Variants in CEP295 observed in about 807,000 individuals in gnomAD.
CEP295 encodes the protein centrosomal protein of 295 kDa.
Under a neutral mutation model 291.6 loss-of-function variants are expected in CEP295, and 190 were observed. The ratio of observed to expected loss-of-function variants is 0.65; its 90% confidence interval spans 0.58 to 0.73. CEP295 has a LOEUF of 0.73. Among genes scored for constraint, CEP295 ranks in the 30% least tolerant of loss-of-function variants. The pLI, the probability that CEP295 is intolerant of heterozygous loss-of-function variation, is 0.00. For missense variants in CEP295, 2,863 were observed against 2,949.4 expected, an observed-to-expected ratio of 0.97 and a Z score of 0.68; for synonymous variants, 993 against 1,038.8, an observed-to-expected ratio of 0.96 and a Z score of 0.85.
At chr11:93,694,455 T>G (rs779534194) in intron 12 of CEP295, among the ~76,000 whole-genome samples, 2 of 152,248 alleles carry the variant, frequency 1.3e-5, no homozygotes, top group Non-Finnish European at 2.9e-5. Flanking sequence ...TTTTTTTTCT[T>G]TCCTTATTGA....
chr11:93,688,681 C>T (rs545747587), intron 10 of CEP295, among the ~76,000 whole-genome samples: 77 of 152,174 alleles, frequency 5.1e-4, no homozygotes, highest in African/African-American at 1.8e-3. Flanking sequence ...CAGCTCATTC[C>T]GCAAGTCCCT....
In CEP295 at chr11:93,667,704, C is replaced by A. The variant is rs765385053; in HGVS notation, c.206C>A (p.Ala69Glu). 7 of 1,551,216 alleles carry A rather than the reference C, an allele frequency of 4.5e-6. No individual in the cohort carries two copies. The highest frequency in any genetic ancestry group is 1.7e-6 in the Non-Finnish European group (2 of 1,146,698). The change falls in exon 3 of 30, where the codon GCA (alanine) becomes GAA (glutamate). Residue 69 changes from alanine to glutamate, a missense_variant. This residue lies in a region of CEP295 where 554 missense variants were observed against 576.0 expected (regional missense o/e 0.96). Transcript: ENST00000325212. Reference sequence around the variant, plus strand: ...ACACGTTTGGCAGAGGAGCTAAGGGCAGAATGGGAAGAATCACAAACTCAG... The same window carrying A: ...ACACGTTTGGCAGAGGAGCTAAGGGAAGAATGGGAAGAATCACAAACTCAG... ...QFTRLAEELR[A>E]EWEESQTQKI...
intron 7 of CEP295, among the ~76,000 whole-genome samples, chr11:93,679,825 G>GA (rs1305721733): frequency 3.9e-5 from 6 of 152,048 alleles, no homozygotes; most frequent in Admixed American, 2.6e-4. Flanking sequence ...ACAGCCTGAG[G>GA]AAAAAAATCA....
intron 9 of CEP295, among the ~76,000 whole-genome samples, chr11:93,686,169 A>C (rs185117851): frequency 3.5e-4 from 54 of 152,114 alleles, no homozygotes; most frequent in African/African-American, 1.2e-3. Flanking sequence ...AAATACAAAA[A>C]TTAGCCGGGT....
At position 93,729,874 on chromosome 11, in the gene CEP295, ATC is replaced by A. The variant is rs1565231624; in HGVS notation, c.7574_7575del (p.Ser2525CysfsTer9). 1.3e-6 allele frequency: 2 copies of A among 1,544,678 alleles called. No homozygotes were observed. On this transcript the variant is annotated frameshift_variant, in exon 28 of 30. Coordinates refer to ENST00000325212, the MANE Select transcript of CEP295 (RefSeq NM_033395.2). LOFTEE classifies it high-confidence loss of function. ...ATTTCACTTTTCTTTCCTCAGGTTC[ATC>A]TGTGAGTCGTCTAAAGGGCGTGAAT... Reference protein sequence around the residue: ...TVKEKPSISSSVSRLKGVNKV... With the variant: ...TVKEKPSISSXVSRLKGVNKV...
chr11:93,722,426 C>A (rs1437316942), intron 20 of CEP295: 6 of 181,330 alleles, frequency 3.3e-5, no homozygotes, highest in Admixed American at 5.8e-5. Context: ...CACGCCACTG[C>A]ACTCCAGCCT....
rs1448054625 is a variant in CEP295, at chr11:93,724,457, C to A, written c.6318+82C>A. The A allele has an allele frequency of 1.9e-5, 26 of 1,347,768 alleles. No homozygotes were observed. The East Asian group carries it at 6.3e-4, about 33-fold the overall frequency. The allele number at this position is 1,347,768 out of a possible 1,614,324, so 83.5% of individuals were successfully genotyped here. ...TTCTTCTACTGGAACAAAAGTTCTT[C>A]TAAACCCTTACCTAGAATCACATGG... On this transcript the variant is annotated intron_variant, in intron 22 of 29. Coordinates refer to ENST00000325212, the MANE Select transcript of CEP295 (RefSeq NM_033395.2).
chr11:93,708,251 CT>C (rs1402705601), intron 18 of CEP295, among the ~76,000 whole-genome samples: 23 of 152,260 alleles, frequency 1.5e-4, no homozygotes, highest in African/African-American at 5.5e-4. Context: ...GTTTTGCTAT[CT>C]AACTGCTTAT....
At chr11:93,691,425 A>G (rs1247897351) in intron 10 of CEP295, among the ~76,000 whole-genome samples, 1 of 152,102 alleles carries the variant, frequency 6.6e-6, no homozygotes, top group Admixed American at 6.6e-5. Flanking sequence ...CCTTTCTCCT[A>G]TGTTTGAAAT....
Position 93,714,022 on chromosome 11 carries a change from C to T in CEP295, c.5749+7125C>T, listed in dbSNP as rs79833925. On this transcript the variant is annotated intron_variant, in intron 18 of 29. Transcript: ENST00000325212. ...TTGATTCTTTTTAACTATTTCACTG[C>T]CTTCATTTTATTTATCTGATAGGAT... Among the ~76,000 whole-genome samples, 1,209 of 152,120 alleles carry T rather than the reference C, an allele frequency of 7.9e-3. 21 individuals carry two copies. Among genetic ancestry groups the T allele is most frequent in the East Asian group, 0.053 (272 of 5,152 alleles).
chr11:93,711,056 T>C (rs1308605443), intron 18 of CEP295, among the ~76,000 whole-genome samples: 2 of 152,124 alleles, frequency 1.3e-5, no homozygotes, highest in African/African-American at 4.8e-5. Context: ...AACCAATTTT[T>C]GTTTTCTTGA....
At chr11:93,676,022 A>G (rs1950670648) in intron 6 of CEP295, among the ~76,000 whole-genome samples, 1 of 152,076 alleles carries the variant, frequency 6.6e-6, no homozygotes, top group Admixed American at 6.6e-5. Context: ...TTAATGTTTT[A>G]ATAAATTCAT....
intron 1 of CEP295, among the ~76,000 whole-genome samples, chr11:93,662,160 A>G (rs186896419): frequency 1.3e-5 from 2 of 152,296 alleles, no homozygotes; most frequent in East Asian, 3.9e-4. Flanking sequence ...GGATCGTTTC[A>G]TGCAAAGAGC....
At chr11:93,691,899 C>T in intron 11 of CEP295, 28 bp from the exon 12 acceptor site, 2 of 1,422,716 alleles carry the variant, frequency 1.4e-6, no homozygotes, top group South Asian at 1.3e-5. Context: ...ATTATTGAAA[C>T]TAATTTTTGT....
chr11:93,682,183 ATAAG>A (rs2134950544), intron 7 of CEP295, among the ~76,000 whole-genome samples: 1 of 152,296 alleles, frequency 6.6e-6, no homozygotes, highest in South Asian at 2.1e-4. Context: ...TTACAAAAGA[ATAAG>A]TAATGTATAT....
intron 18 of CEP295, among the ~76,000 whole-genome samples, chr11:93,715,039 C>G (rs1953144206): frequency 6.6e-6 from 1 of 152,206 alleles, no homozygotes; most frequent in African/African-American, 2.4e-5. Flanking sequence ...GCTCTACAGT[C>G]AGCAGGTGGT....
chr11:93,670,665 T>G (rs116726529), intron 5 of CEP295, among the ~76,000 whole-genome samples: 5 of 152,278 alleles, frequency 3.3e-5, no homozygotes, highest in South Asian at 2.1e-4. Flanking sequence ...TAACATTTGA[T>G]CCAACAAAAT....
chr11:93,707,224 T>G (rs1458862655), intron 18 of CEP295, among the ~76,000 whole-genome samples: 1 of 152,200 alleles, frequency 6.6e-6, no homozygotes, highest in Non-Finnish European at 1.5e-5. Context: ...AAATTCTATC[T>G]GTGGGCATTC....
chr11:93,694,201 A>T (rs951007174), intron 12 of CEP295, among the ~76,000 whole-genome samples: 2 of 152,252 alleles, frequency 1.3e-5, no homozygotes, highest in African/African-American at 4.8e-5. Context: ...TTTATATAAG[A>T]AAACAACGTG....
Sources: gnomAD v4.1 joint callset for allele counts (sites outside exome capture counted in the v4.1 genomes callset) on GRCh38, gnomAD v4.1.1 for gene constraint, gnomAD v4.1.1 regional missense constraint, MANE v1.5 for transcripts, NCBI Gene and HGNC (gene_info 2026-07-23, HGNC 2026-07-21) for gene names.